APOL2: variants seen among roughly 807,000 people sequenced by gnomAD.
APOL2 encodes the protein apolipoprotein L, 2.
In APOL2, 8 loss-of-function variants were observed where a neutral mutation model predicts 7.1. The ratio of observed to expected loss-of-function variants is 1.12; its 90% CI spans 0.66 to 2.03. The LOEUF (loss-of-function observed/expected upper bound fraction) is 2.03, where lower values mean the gene tolerates loss of function less well. Among genes scored for constraint, APOL2 ranks in the 30% most tolerant of loss-of-function variants. The pLI, the probability that APOL2 is intolerant of heterozygous loss-of-function variation, is 0.00. For missense variants in APOL2, 471 were observed against 415.1 expected (o/e 1.13, Z -1.17); for synonymous variants, 177 against 159.9 (o/e 1.11, Z -0.81).
rs771159886 is a variant in APOL2 at position 36,239,463 on chromosome 22, G to A, written c.-156C>T. 1.3e-6 allele frequency: 2 copies of A among 1,569,420 alleles called. No homozygotes were observed. Among genetic ancestry groups the A allele is most frequent in the Non-Finnish European group, 1.7e-6 (2 of 1,164,166 alleles). ...TACCAAGGGATCTTCCTCTGACAGAGACTGAGCAAGATCCAACTGTTCTGA... is the reference window on the plus strand; with the variant it reads ...TACCAAGGGATCTTCCTCTGACAGAAACTGAGCAAGATCCAACTGTTCTGA... On this transcript the variant is annotated 5_prime_UTR_variant, in exon 1 of 5. Transcript: ENST00000358502.
intron 1 of APOL2, among the ~76,000 whole-genome samples, chr22:36,233,656 T>C (rs1474186117): frequency 6.6e-6 from 1 of 152,206 alleles, no homozygotes; most frequent in East Asian, 1.9e-4. Context: ...GACATGTATC[T>C]CATTCGATGA....
chr22:36,235,748 G>GT (rs1569532868), intron 1 of APOL2, among the ~76,000 whole-genome samples: 13,641 of 110,186 alleles, frequency 0.12, 677 homozygotes, highest in Non-Finnish European at 0.14. Flanking sequence ...AGAAAGGGTG[G>GT]GTGGGTGGGT....
chr22:36,227,936 A>G lies in APOL2; in HGVS notation c.482T>C (p.Val161Ala). ...TGMGLGAAAAVAGITCSVVEL... is the reference protein window; with the variant it reads ...TGMGLGAAAAAAGITCSVVEL... ...TACCACACTGCAGGTAATCCCAGCC[A>G]CAGCAGCTGCTGCTCCCAGACCCAT... is the stretch of plus-strand genomic sequence containing the variant. Residue 161 changes from valine to alanine, a missense_variant, in exon 5 of 5, where the codon GTG becomes GCG. Transcript: ENST00000358502. 1 of 1,614,192 alleles carries G rather than the reference A, an allele frequency of 6.2e-7. No homozygotes were observed. Among genetic ancestry groups the G allele is most frequent in the Non-Finnish European group, 8.5e-7 (1 of 1,180,036 alleles).
At chr22:36,239,731 C>T (rs1334327199), upstream of APOL2, 3 of 551,476 alleles carry the variant, frequency 5.4e-6, no homozygotes, top group African/African-American at 3.8e-5. Flanking sequence ...ATCCAACCCA[C>T]CTGCCTCACA....
At chr22:36,239,377 C>T in intron 1 of APOL2, 64 bp downstream of exon 1, 1 of 1,454,258 alleles carries the variant, frequency 6.9e-7, no homozygotes. Flanking sequence ...CTGAATGATC[C>T]TTCCCTTATA....
intron 1 of APOL2, among the ~76,000 whole-genome samples, chr22:36,234,065 C>A (rs1434698530): frequency 6.6e-6 from 1 of 152,170 alleles, no homozygotes; most frequent in African/African-American, 2.4e-5. Context: ...CCTCTGCTGT[C>A]CTCCCCTAGC....
intron 1 of APOL2, chr22:36,239,057 G>T: frequency 9.7e-7 from 1 of 1,034,992 alleles, no homozygotes; most frequent in Admixed American, 4.4e-5. Flanking sequence ...GGACATGCCG[G>T]GCTCCAGGTC....
At chr22:36,233,047 C>T (rs2146976255) in intron 3 of APOL2, 106 bp downstream of exon 3, 2 of 1,175,652 alleles carry the variant, frequency 1.7e-6, no homozygotes, top group East Asian at 4.7e-5. Flanking sequence ...GACTCATTGG[C>T]CTCCTAGTCC....
At chr22:36,237,807 G>A (rs554837635) in intron 1 of APOL2, among the ~76,000 whole-genome samples, 6 of 152,168 alleles carry the variant, frequency 3.9e-5, no homozygotes, top group East Asian at 3.9e-4. Flanking sequence ...CTTCCTCACC[G>A]CTCCCTGCCA....
intron 4 of APOL2, among the ~76,000 whole-genome samples, chr22:36,229,805 C>G (rs2015153351): frequency 6.6e-6 from 1 of 152,232 alleles, no homozygotes; most frequent in African/African-American, 2.4e-5. Flanking sequence ...ATCACTTTGC[C>G]TGGCATCTGC....
chr22:36,235,157 C>T (rs1392717953), intron 1 of APOL2, among the ~76,000 whole-genome samples: 2 of 151,908 alleles, frequency 1.3e-5, no homozygotes, highest in African/African-American at 2.4e-5. Context: ...GGCCCACGTG[C>T]CATATGGGAT....
chr22:36,236,791 C>T, intron 1 of APOL2: 1 of 1,102,656 alleles, frequency 9.1e-7, no homozygotes, highest in Non-Finnish European at 1.1e-6. Flanking sequence ...TATCTGTCTT[C>T]TGGGGCCCCT....
At chr22:36,235,756 G>GTGTGT (rs2015382381) in intron 1 of APOL2, among the ~76,000 whole-genome samples, 22 of 113,120 alleles carry the variant, frequency 1.9e-4, no homozygotes, top group African/African-American at 3.4e-4. Flanking sequence ...TGGGTGGGTG[G>GTGTGT]GTGTGTGTGT....
intron 1 of APOL2, chr22:36,237,152 G>T: frequency 6.6e-7 from 1 of 1,522,928 alleles, no homozygotes. Flanking sequence ...GCCTCTGCTG[G>T]GGGTTGAGGC....
At chr22:36,239,577 G>C (rs1045922925), upstream of APOL2, 3 of 1,458,082 alleles carry the variant, frequency 2.1e-6, no homozygotes, top group African/African-American at 4.2e-5. Context: ...ATTCGAAAGG[G>C]AAAGTGAAAG....
intron 4 of APOL2, among the ~76,000 whole-genome samples, chr22:36,229,386 G>C (rs914920016): frequency 3.3e-5 from 5 of 152,048 alleles, no homozygotes; most frequent in East Asian, 1.9e-4. Context: ...CTGAATAAAG[G>C]CTTCATTTCT....
rs2015021721 is a variant in APOL2 at position 36,227,128 on chromosome 22, A to G, written c.*276T>C. On this transcript the variant is annotated 3_prime_UTR_variant, in exon 5 of 5. Transcript: ENST00000358502. ...CAGGAGATGGAGACCATCGTGGCTA[A>G]CACAGTGAAACCCCGTCTCCAGTGA... The G allele has an allele frequency of 9.7e-6, 3 of 310,054 alleles. No individual in the cohort carries two copies. Among genetic ancestry groups the G allele is most frequent in the Non-Finnish European group, 1.2e-5 (2 of 168,996 alleles). 19.2% of individuals were successfully genotyped at this position (310,054 alleles called of 1,614,324 possible).
At chr22:36,239,668 C>T (rs1393298076), upstream of APOL2, 4 of 639,376 alleles carry the variant, frequency 6.3e-6, no homozygotes, top group Admixed American at 9.6e-5. Flanking sequence ...GCCCAGCCTC[C>T]TTGCTGCTGC....
rs567491595 is a variant in APOL2 at position 36,231,535 on chromosome 22, G to A, written c.11-69C>T. On this transcript the variant is annotated intron_variant, in intron 3 of 4. Transcript: ENST00000358502. ...GGAGCATAACAGCCATTGCACATTAGGTGGTTACATGTTAATTTTTCCTGG... is the reference window on the plus strand; with the variant it reads ...GGAGCATAACAGCCATTGCACATTAAGTGGTTACATGTTAATTTTTCCTGG... 1.2e-4 allele frequency: 185 copies of A among 1,560,368 alleles called. 3 individuals are homozygous for A. The East Asian group carries it at 3.7e-3, about 31-fold the overall frequency.
Sources: allele counts gnomAD v4.1 joint callset (sites outside exome capture counted in the v4.1 genomes callset), GRCh38; gene constraint gnomAD v4.1.1; transcripts MANE v1.5; gene names NCBI Gene and HGNC (gene_info 2026-07-23, HGNC 2026-07-21).